The following RORA variants were observed in gnomAD, a reference collection of about 807,000 sequenced individuals.
RORA encodes the protein RAR related orphan receptor A.
In RORA, 7 loss-of-function variants were observed where a neutral mutation model predicts 69.5. The ratio of observed to expected loss-of-function variants is 0.10; its 90% CI spans 0.06 to 0.19. RORA has a LOEUF of 0.19. RORA is among the 10% of genes least tolerant of loss of function. The pLI, the probability that RORA is intolerant of heterozygous loss-of-function variation, is 1.00. For missense variants in RORA, 457 were observed against 663.0 expected (o/e 0.69, Z 3.41); for synonymous variants, 261 against 240.8 (o/e 1.08, Z -0.78).
intron 8 of RORA, 69 bp downstream of exon 8, chr15:60,502,691 G>C: frequency 1.0e-6 from 1 of 953,752 alleles, no homozygotes. Flanking sequence ...TCCAAGCAGA[G>C]CTTTCACTCA....
chr15:60,739,429 A>C (rs1188688414), intron 1 of RORA, among the ~76,000 whole-genome samples: 1 of 152,102 alleles, frequency 6.6e-6, no homozygotes, highest in Non-Finnish European at 1.5e-5. Context: ...AAAATTAGCC[A>C]GGCGTGGTGG....
chr15:61,060,853 C>T (rs1303297224), intron 1 of RORA, among the ~76,000 whole-genome samples: 3 of 152,120 alleles, frequency 2.0e-5, no homozygotes, highest in East Asian at 1.9e-4. Context: ...AAAAAAATTA[C>T]AAAAATACCT....
intron 2 of RORA, among the ~76,000 whole-genome samples, chr15:60,674,745 G>A (rs2070527377): frequency 6.6e-6 from 1 of 152,182 alleles, no homozygotes; most frequent in African/African-American, 2.4e-5. Context: ...GGCGTATCTT[G>A]TTTGGGTTTT....
At position 61,142,921 on chromosome 15, in the gene RORA, G is replaced by C. The variant is rs1029973823; in HGVS notation, c.166+86132C>G. On this transcript the variant is annotated intron_variant, in intron 1 of 10. Transcript: ENST00000335670. ...CTCAAAAGCCTAAATCATACTAAAT[G>C]ATACCCTAAGAGGCATTCCTATTAA... Among the ~76,000 whole-genome samples the C allele has an allele frequency of 7.3e-4, 111 of 152,122 alleles. 1 individual carries two copies. Among genetic ancestry groups the C allele is most frequent in the Non-Finnish European group, 1.6e-4 (11 of 67,992 alleles).
chr15:61,062,614 A>T (rs1236216197), intron 1 of RORA, among the ~76,000 whole-genome samples: 1 of 152,228 alleles, frequency 6.6e-6, no homozygotes, highest in Non-Finnish European at 1.5e-5. Context: ...CCTGCTTCTC[A>T]GATGGGCGGC....
chr15:61,066,626 G>C (rs2078263581), intron 1 of RORA, among the ~76,000 whole-genome samples: 2 of 151,382 alleles, frequency 1.3e-5, no homozygotes, highest in African/African-American at 4.9e-5. Context: ...CAGGGTTTCT[G>C]CATGTTGGTC....
intron 1 of RORA, among the ~76,000 whole-genome samples, chr15:60,804,131 A>T (rs562576230): frequency 6.6e-6 from 1 of 152,092 alleles, no homozygotes; most frequent in East Asian, 1.9e-4. Flanking sequence ...TCTACTAAAA[A>T]TACAAAATTA....
intron 1 of RORA, among the ~76,000 whole-genome samples, chr15:61,047,492 C>G (rs1897088464): frequency 6.6e-6 from 1 of 152,192 alleles, no homozygotes; most frequent in Admixed American, 6.5e-5. Flanking sequence ...GTAATTACAG[C>G]CTCAATGTGT....
intron 1 of RORA, among the ~76,000 whole-genome samples, chr15:60,743,664 T>A (rs2071608622): frequency 6.6e-6 from 1 of 152,224 alleles, no homozygotes; most frequent in African/African-American, 2.4e-5. Flanking sequence ...GGTGAGTGGA[T>A]CTGCCAATCT....
intron 1 of RORA, among the ~76,000 whole-genome samples, chr15:61,022,918 C>T (rs1391682450): frequency 4.6e-5 from 7 of 152,020 alleles, no homozygotes; most frequent in Admixed American, 2.0e-4. Flanking sequence ...GGCACGGTGG[C>T]CCACACCTGC....
chr15:60,800,997 T>C (rs1195039212), intron 1 of RORA, among the ~76,000 whole-genome samples: 1 of 152,238 alleles, frequency 6.6e-6, no homozygotes, highest in Non-Finnish European at 1.5e-5. Flanking sequence ...GCTGCATGCC[T>C]ATTAAAGTGA....
chr15:60,641,180 G>C (rs1254481816), intron 2 of RORA, among the ~76,000 whole-genome samples: 1 of 152,124 alleles, frequency 6.6e-6, no homozygotes, highest in Non-Finnish European at 1.5e-5. Flanking sequence ...TCGAACTCCT[G>C]GCCTCAAGTG....
At chr15:60,770,301 A>G (rs2072054978) in intron 1 of RORA, among the ~76,000 whole-genome samples, 1 of 152,136 alleles carries the variant, frequency 6.6e-6, no homozygotes, top group African/African-American at 2.4e-5. Context: ...TGTTGTGCCT[A>G]TTATGTCTGA....
chr15:61,059,670 A>G (rs1321721413), intron 1 of RORA, among the ~76,000 whole-genome samples: 8 of 152,228 alleles, frequency 5.3e-5, no homozygotes, highest in African/African-American at 1.7e-4. Context: ...TTATAATAAA[A>G]GATTCTTCTT....
chr15:61,048,049 AAG>A (rs1351184571), intron 1 of RORA, among the ~76,000 whole-genome samples: 4 of 152,218 alleles, frequency 2.6e-5, no homozygotes, highest in African/African-American at 9.6e-5. Context: ...ACACACCTAA[AAG>A]AGGCTACCAG....
In RORA at chr15:60,976,214, C is replaced by G. The variant is rs149916004; in HGVS notation, c.166+252839G>C. Among the ~76,000 whole-genome samples the G allele has an allele frequency of 5.2e-3, 796 of 152,280 alleles. 8 individuals carry two copies. The highest frequency in any genetic ancestry group is 0.019 in the African/African-American group (769 of 41,566). ...ATGCTGGCAGGAGGGGCGTTAGAAT[C>G]CTCACCTACCTAAGCCTGTGGTGGA... On this transcript the variant is annotated intron_variant, in intron 1 of 10. Transcript: ENST00000335670.
chr15:60,958,224 TG>T (rs1330403048), intron 1 of RORA, among the ~76,000 whole-genome samples: 2 of 152,162 alleles, frequency 1.3e-5, no homozygotes, highest in Non-Finnish European at 2.9e-5. Context: ...ATACAAAGGA[TG>T]TTCATATTGG....
At chr15:60,757,077 C>A (rs2071812745) in intron 1 of RORA, among the ~76,000 whole-genome samples, 1 of 152,006 alleles carries the variant, frequency 6.6e-6, no homozygotes, top group Non-Finnish European at 1.5e-5. Flanking sequence ...ACATGCAAAA[C>A]CATTAGATGT....
chr15:61,152,147 G>C (rs1007739146), intron 1 of RORA, among the ~76,000 whole-genome samples: 16 of 152,220 alleles, frequency 1.1e-4, no homozygotes, highest in Admixed American at 8.5e-4. Flanking sequence ...AACCCGGAAA[G>C]GCAGTGGCAG....
Sources: allele counts gnomAD v4.1 joint callset (sites outside exome capture counted in the v4.1 genomes callset), GRCh38; gene constraint gnomAD v4.1.1; transcripts MANE v1.5; gene names NCBI Gene and HGNC (gene_info 2026-07-23, HGNC 2026-07-21).